The following TEP1 variants were observed in gnomAD, a reference collection of about 807,000 sequenced individuals.
TEP1 encodes the protein telomerase associated protein 1.
Under a neutral mutation model 306.3 loss-of-function variants are expected in TEP1, and 241 were observed. That is an observed-to-expected ratio of 0.79 (90% CI 0.71 to 0.88). The LOEUF (loss-of-function observed/expected upper bound fraction) is 0.88, where lower values mean the gene tolerates loss of function less well. Ranked by LOEUF, TEP1 falls within the 40% of genes least tolerant of loss-of-function variation. TEP1 has a pLI of 0.00. For missense variants in TEP1, 3,051 were observed against 3,276.1 expected, an observed-to-expected ratio of 0.93 and a Z score of 1.68; for synonymous variants, 1,289 against 1,305.5, an observed-to-expected ratio of 0.99 and a Z score of 0.27.
chr14:20,380,303 G>A lies in TEP1; in HGVS notation c.4935C>T (p.Ser1645=). 1.2e-6 allele frequency: 2 copies of A among 1,614,172 alleles called. No individual in the cohort carries two copies. The highest frequency in any genetic ancestry group is 1.1e-5 in the South Asian group (1 of 91,084). ...SPLCHQASLL[S]RRWHLQHTLR... The stretch of plus-strand genomic sequence containing the variant: ...GTGTGTGTTGGAGGTGCCATCTCCG[G>A]GAGAGCAGCGAGGCTTGGTGGCAAA... The change falls in exon 34 of 55, where the codon TCC becomes TCT. Residue 1645 remains serine (S), a synonymous_variant. Coordinates refer to ENST00000262715, the MANE Select transcript of TEP1 (RefSeq NM_007110.5).
chr14:20,401,768 C>T (rs1483636461), intron 7 of TEP1, among the ~76,000 whole-genome samples, 187 bp from the exon 8 acceptor site: 1 of 152,166 alleles, frequency 6.6e-6, no homozygotes, highest in Non-Finnish European at 1.5e-5. Context: ...TGGTAAGCAG[C>T]ACAGGATGGC....
intron 4 of TEP1, 87 bp downstream of exon 4, chr14:20,405,364 A>G: frequency 7.6e-7 from 1 of 1,315,394 alleles, no homozygotes; most frequent in Non-Finnish European, 1.0e-6. Context: ...CCCCAACATG[A>G]AGCTAGTCAC....
At chr14:20,371,045 C>T (rs1192428206) in intron 51 of TEP1, among the ~76,000 whole-genome samples, 173 bp downstream of exon 51, 2 of 152,224 alleles carry the variant, frequency 1.3e-5, no homozygotes, top group African/African-American at 2.4e-5. Flanking sequence ...TGAAATCTTA[C>T]ATGGGAACCC....
Position 20,369,697 on chromosome 14 carries a change from A to G in TEP1, c.7400T>C (p.Ile2467Thr), listed in dbSNP as rs1428994264. Reference protein sequence around the residue: ...LENPSRTLISITQAKPESESS... With the variant: ...LENPSRTLISTTQAKPESESS... ...ACCAGATTCAGGTTTGGCTTGAGTT[A>G]TCGATATTAGGGTCCTACTAGGATT... The change falls in exon 52 of 55, where the codon ATA (isoleucine) becomes ACA (threonine). Residue 2467 changes from isoleucine to threonine, a missense_variant. By Grantham distance (89) the Ile-to-Thr change is moderately conservative. This residue lies in a region of TEP1 where 1,540 missense variants were observed against 1,705.9 expected (regional missense o/e 0.90). Coordinates refer to ENST00000262715, the MANE Select transcript of TEP1 (RefSeq NM_007110.5). The G allele has an allele frequency of 1.9e-6, 3 of 1,614,150 alleles. No individual in the cohort carries two copies. Among genetic ancestry groups the G allele is most frequent in the Non-Finnish European group, 2.5e-6 (3 of 1,180,032 alleles).
At chr14:20,410,294 A>T (rs1879549459) in intron 1 of TEP1, among the ~76,000 whole-genome samples, 1 of 152,082 alleles carries the variant, frequency 6.6e-6, no homozygotes. Context: ...GACATACTGT[A>T]TATAGATTTG....
chr14:20,373,884 G>A, intron 44 of TEP1, 74 bp from the exon 45 acceptor site: 10 of 1,556,470 alleles, frequency 6.4e-6, no homozygotes, highest in South Asian at 2.4e-5. Flanking sequence ...CTCCACAGAG[G>A]TGGGTGGAGC....
At chr14:20,396,251 C>T (rs1487045798) in intron 10 of TEP1, among the ~76,000 whole-genome samples, 2 of 152,198 alleles carry the variant, frequency 1.3e-5, no homozygotes, top group African/African-American at 4.8e-5. Context: ...GGTGGACTGC[C>T]TGGGCTCAAG....
intron 12 of TEP1, 56 bp from the exon 13 acceptor site, chr14:20,391,823 G>A (rs1291465643): frequency 4.0e-5 from 64 of 1,581,872 alleles, no homozygotes; most frequent in Non-Finnish European, 5.3e-5. Flanking sequence ...GCCCCTTAGA[G>A]GCAGACGGGG....
Position 20,408,483 on chromosome 14 carries a change from G to T in TEP1, c.-24-20C>A. 6.4e-7 allele frequency: 1 copy of T among 1,574,784 alleles called. No individual in the cohort carries two copies. The highest frequency in any genetic ancestry group is 8.6e-7 in the Non-Finnish European group (1 of 1,162,976). On this transcript the variant is annotated intron_variant, in intron 1 of 54. Coordinates refer to ENST00000262715, the MANE Select transcript of TEP1 (RefSeq NM_007110.5). The stretch of plus-strand genomic sequence containing the variant: ...ATATGCCTAGAAGGAGAGAAAGACA[G>T]GAGATGAGCACCTGGCTGCACTGAG...
At chr14:20,377,163 C>T (rs1277188358) in intron 41 of TEP1, 117 bp downstream of exon 41, 4 of 850,350 alleles carry the variant, frequency 4.7e-6, no homozygotes, top group Non-Finnish European at 7.0e-6. Context: ...TGCAGTGAGC[C>T]GAGACCGTAC....
chr14:20,390,378 C>T (rs192046174), intron 15 of TEP1, among the ~76,000 whole-genome samples: 496 of 152,358 alleles, frequency 3.3e-3, no homozygotes, highest in Admixed American at 5.1e-3. Flanking sequence ...GCAGTGTGCT[C>T]CTGAGCGTCT....
intron 49 of TEP1, among the ~76,000 whole-genome samples, chr14:20,372,389 T>TGTGTGC (rs1429468158): frequency 6.6e-6 from 1 of 151,080 alleles, no homozygotes; most frequent in Non-Finnish European, 1.5e-5. Context: ...TATGTGTGTG[T>TGTGTGC]GTGTGTGTGT....
At chr14:20,377,953 AC>A in intron 39 of TEP1, 70 bp downstream of exon 39, 1 of 1,529,132 alleles carries the variant, frequency 6.5e-7, no homozygotes. Flanking sequence ...AAGGACCCCC[AC>A]CCCCACCAAG....
chr14:20,374,575 T>C (rs1248940051), intron 43 of TEP1, 39 bp from the exon 44 acceptor site: 1 of 1,489,292 alleles, frequency 6.7e-7, no homozygotes, highest in Admixed American at 1.8e-5. Context: ...ATTATCAGCA[T>C]CCCTCCAGCA....
intron 44 of TEP1, among the ~76,000 whole-genome samples, chr14:20,374,201 C>T (rs1387188207): frequency 2.0e-5 from 3 of 151,776 alleles, no homozygotes; most frequent in East Asian, 1.9e-4. Context: ...AGTGATCTCT[C>T]GCCTCAGCCT....
At position 20,403,740 on chromosome 14, in the gene TEP1, G is replaced by A. The variant is rs147598692; in HGVS notation, c.1177C>T (p.Arg393Trp). Residue 393 changes from arginine (R) to tryptophan (W), a missense_variant, in exon 6 of 55, where the codon CGG (arginine) becomes TGG (tryptophan). Coordinates refer to ENST00000262715, the MANE Select transcript of TEP1 (RefSeq NM_007110.5). ...RKHRAKRHPR[R>W]PPRSPGMEPP... ...TGACTGACTGGAGAGCGGGGTGGCCGGCGGGGGTGTCTCTTGGCCCGGTGC... is the reference window on the plus strand; with the variant it reads ...TGACTGACTGGAGAGCGGGGTGGCCAGCGGGGGTGTCTCTTGGCCCGGTGC... 16 of 1,613,670 alleles carry A rather than the reference G, an allele frequency of 9.9e-6. No homozygotes were observed. Among genetic ancestry groups the A allele is most frequent in the African/African-American group, 8.0e-5 (6 of 74,892 alleles).
At chr14:20,408,525 A>G (rs1879392953) in intron 1 of TEP1, 62 bp from the exon 2 acceptor site, 1 of 1,312,412 alleles carries the variant, frequency 7.6e-7, no homozygotes, top group East Asian at 2.3e-5. Context: ...TTTGCATGAG[A>G]GCATATCTTC....
At chr14:20,375,292 G>A (rs1885109750) in intron 43 of TEP1, among the ~76,000 whole-genome samples, 1 of 152,082 alleles carries the variant, frequency 6.6e-6, no homozygotes, top group South Asian at 2.1e-4. Flanking sequence ...GAGTAGCTGG[G>A]ATTACAGGCA....
chr14:20,386,680 T>C (rs1032581300), intron 18 of TEP1, 57 bp from the exon 19 acceptor site: 31 of 1,492,420 alleles, frequency 2.1e-5, no homozygotes, highest in Non-Finnish European at 2.5e-5. Flanking sequence ...CCCCCATCCA[T>C]AGACACTGCT....
Sources: gnomAD v4.1 joint callset for allele counts (sites outside exome capture counted in the v4.1 genomes callset) on GRCh38, gnomAD v4.1.1 for gene constraint, gnomAD v4.1.1 regional missense constraint, MANE v1.5 for transcripts, NCBI Gene and HGNC (gene_info 2026-07-23, HGNC 2026-07-21) for gene names.